SUMO3: variants seen among roughly 807,000 people sequenced by gnomAD.
SUMO3 encodes small ubiquitin-related modifier 3.
A neutral mutation model predicts 11.1 loss-of-function variants in SUMO3; 2 were observed. The ratio of observed to expected loss-of-function variants is 0.18; its 90% CI spans 0.07 to 0.57. SUMO3 has a LOEUF of 0.57. SUMO3 is among the 20% of genes least tolerant of loss of function. The pLI is 0.92. For synonymous variants in SUMO3, 56 were observed against 53.5 expected, an observed-to-expected ratio of 1.05 and a Z score of -0.20; for missense variants, 70 against 132.8, an observed-to-expected ratio of 0.53 and a Z score of 2.32.
chr21:44,813,399 C>T (rs759017618), intron 2 of SUMO3: 19 of 189,632 alleles, frequency 1.0e-4, no homozygotes, highest in South Asian at 2.3e-4. Context: ...ACACACACCA[C>T]GTCACAAACA....
At chr21:44,809,448 C>T (rs2083197474) in intron 2 of SUMO3, among the ~76,000 whole-genome samples, 1 of 152,190 alleles carries the variant, frequency 6.6e-6, no homozygotes, top group African/African-American at 2.4e-5. Context: ...GGTTTTGTTA[C>T]ACCATTGCAT....
chr21:44,809,894 C>T (rs1225649546), intron 2 of SUMO3, among the ~76,000 whole-genome samples: 1 of 152,196 alleles, frequency 6.6e-6, no homozygotes, highest in Non-Finnish European at 1.5e-5. Context: ...GTCATCCCTC[C>T]CATCTTTCCA....
At chr21:44,813,911 A>G in intron 2 of SUMO3, 65 bp downstream of exon 2, 1 of 1,600,490 alleles carries the variant, frequency 6.2e-7, no homozygotes. Context: ...TGCTCTGGGG[A>G]TGCCTGGAAC....
chr21:44,818,042 C>T lies in SUMO3; in HGVS notation c.-74G>A. 1 of 1,119,800 alleles carries T rather than the reference C, an allele frequency of 8.9e-7. No individual in the cohort carries two copies. Among genetic ancestry groups the T allele is most frequent in the Non-Finnish European group, 1.1e-6 (1 of 902,520 alleles). The allele number at this position is 1,119,800 out of a possible 1,614,324, so 69.4% of individuals were successfully genotyped here. On this transcript the variant is annotated 5_prime_UTR_variant, in exon 1 of 4. Coordinates refer to ENST00000332859, the MANE Select transcript of SUMO3 (RefSeq NM_006936.3). Reference sequence around the variant, plus strand: ...CGGGCGAGTCACGCTCTCGGCCCCGCCGCTCTCCCGCCGCAACTGTGCGCG... The same window carrying T: ...CGGGCGAGTCACGCTCTCGGCCCCGTCGCTCTCCCGCCGCAACTGTGCGCG...
chr21:44,812,053 C>CTTTTTTT lies in SUMO3; in HGVS notation c.150+1916_150+1922dup, dbSNP rs386394862. ...AATCAGAATCCACTGAACTTCTCAC[C>CTTTTTTT]TTTTTTTTTTTTTTTTTTTTTTTGA... On this transcript the variant is annotated intron_variant, in intron 2 of 3. Transcript: ENST00000332859. Among the ~76,000 whole-genome samples the CTTTTTTT allele has an allele frequency of 2.0e-3, 158 of 80,982 alleles. 9 individuals are homozygous for CTTTTTTT. Among genetic ancestry groups the CTTTTTTT allele is most frequent in the East Asian group, 9.4e-3 (19 of 2,012 alleles). 53.1% of individuals were successfully genotyped at this position (80,982 alleles called of 152,430 possible).
intron 2 of SUMO3, among the ~76,000 whole-genome samples, chr21:44,809,444 G>C (rs2083197453): frequency 6.6e-6 from 1 of 152,166 alleles, no homozygotes; most frequent in African/African-American, 2.4e-5. Flanking sequence ...CCCAGGTTTT[G>C]TTACACCATT....
intron 2 of SUMO3, among the ~76,000 whole-genome samples, chr21:44,809,990 G>T (rs62220110): frequency 2.0e-5 from 3 of 152,180 alleles, no homozygotes; most frequent in Admixed American, 6.5e-5. Context: ...GTGTGCCAAT[G>T]AGGGACAGAT....
At chr21:44,816,661 G>C (rs1049606210) in intron 1 of SUMO3, among the ~76,000 whole-genome samples, 6 of 152,134 alleles carry the variant, frequency 3.9e-5, no homozygotes, top group Admixed American at 3.9e-4. Flanking sequence ...ATGAACACTG[G>C]AGAATGCGAC....
chr21:44,817,445 C>A (rs555908994), intron 1 of SUMO3, among the ~76,000 whole-genome samples: 1 of 152,152 alleles, frequency 6.6e-6, no homozygotes, highest in South Asian at 2.1e-4. Context: ...CCCCTCAGAG[C>A]GCGCCCCTTG....
At chr21:44,808,435 C>T (rs1030589770) in intron 3 of SUMO3, 4 of 1,299,542 alleles carry the variant, frequency 3.1e-6, no homozygotes, top group African/African-American at 3.1e-5. Context: ...ATGGCGTGAA[C>T]TCAGGAGGCA....
At position 44,810,471 on chromosome 21, in the gene SUMO3, A is replaced by T. The variant is rs902870576; in HGVS notation, c.151-1353T>A. On this transcript the variant is annotated intron_variant, in intron 2 of 3. Coordinates refer to ENST00000332859, the MANE Select transcript of SUMO3 (RefSeq NM_006936.3). This position sits in a 1 kb window ranked among gnomAD's most constrained non-coding sequence, Gnocchi z 4.1. ...AGACCCCTCAGGCAGGACCCCCACA[A>T]CCCTGTGCCTCCCACGGCAGCACAC... 1.3e-5 allele frequency among the ~76,000 whole-genome samples: 2 copies of T among 150,430 alleles called. No homozygotes were observed. Among genetic ancestry groups the T allele is most frequent in the South Asian group, 4.2e-4 (2 of 4,802 alleles).
intron 2 of SUMO3, among the ~76,000 whole-genome samples, chr21:44,812,053 C>CATTTTT (rs755885948): frequency 1.2e-5 from 1 of 80,960 alleles, no homozygotes; most frequent in East Asian, 5.0e-4. Context: ...AACTTCTCAC[C>CATTTTT]TTTTTTTTTT....
Position 44,807,592 on chromosome 21 carries a change from C to G in SUMO3, c.223-552G>C, listed in dbSNP as rs2083185329. On this transcript the variant is annotated intron_variant, in intron 3 of 3. Transcript: ENST00000332859. This position sits in a 1 kb window ranked among gnomAD's most constrained non-coding sequence, Gnocchi z 4.3. ...CCCCCGCTCACTTCTCTCCTCCTGA[C>G]ACAGTGGGCGCAAAACACCCACCCT... Among the ~76,000 whole-genome samples the G allele has an allele frequency of 6.6e-6, 1 of 152,112 alleles. No homozygotes were observed. The highest frequency in any genetic ancestry group is 2.4e-5 in the African/African-American group (1 of 41,424).
At chr21:44,815,839 A>G (rs977027133) in intron 1 of SUMO3, among the ~76,000 whole-genome samples, 3 of 152,100 alleles carry the variant, frequency 2.0e-5, no homozygotes, top group African/African-American at 7.2e-5. Context: ...AATTCCTAAT[A>G]AGCAAGTGAA....
chr21:44,809,140 C>T (rs1165234230), intron 2 of SUMO3, 22 bp from the exon 3 acceptor site: 1 of 1,611,582 alleles, frequency 6.2e-7, no homozygotes, highest in Non-Finnish European at 8.5e-7. Context: ...AAGCAGTGGC[C>T]ATTAGTCTCA....
intron 2 of SUMO3, chr21:44,813,552 C>G (rs866600875): frequency 4.5e-6 from 2 of 441,540 alleles, no homozygotes; most frequent in South Asian, 8.8e-5. Context: ...AGGGCAGTGT[C>G]TCTCCAGGGT....
At position 44,807,100 on chromosome 21, in the gene SUMO3, G is replaced by C; in HGVS notation, c.223-60C>G. On this transcript the variant is annotated intron_variant, in intron 3 of 3. Coordinates refer to ENST00000332859, the MANE Select transcript of SUMO3 (RefSeq NM_006936.3). This position sits in a 1 kb window ranked among gnomAD's most constrained non-coding sequence, Gnocchi z 4.3. ...GAGGGGAGCCTGTTAGTTTTCATCAGAGAGTGGGAAGATCCTCACTGGCAT... is the reference window on the plus strand; with the variant it reads ...GAGGGGAGCCTGTTAGTTTTCATCACAGAGTGGGAAGATCCTCACTGGCAT... 6.3e-7 allele frequency: 1 copy of C among 1,592,908 alleles called. No individual in the cohort carries two copies.
intron 1 of SUMO3, among the ~76,000 whole-genome samples, chr21:44,816,684 C>A (rs1212754332): frequency 6.6e-6 from 1 of 152,124 alleles, no homozygotes; most frequent in Admixed American, 6.5e-5. Context: ...CAGACCCTCC[C>A]GAGAAGGAAT....
chr21:44,813,429 C>G (rs2083224132), intron 2 of SUMO3: 1 of 202,648 alleles, frequency 4.9e-6, no homozygotes, highest in Admixed American at 5.2e-5. Flanking sequence ...AGGCATCCAC[C>G]CAGCTGGGCA....
Sources: gnomAD v4.1 joint callset for allele counts (sites outside exome capture counted in the v4.1 genomes callset) on GRCh38, gnomAD v4.1.1 for gene constraint, Gnocchi (gnomAD v3.1) non-coding constraint, MANE v1.5 for transcripts, NCBI Gene and HGNC (gene_info 2026-07-23, HGNC 2026-07-21) for gene names.